Variants in RSAD2 observed in about 807,000 individuals in gnomAD.
The protein encoded by RSAD2 is S-adenosylmethionine-dependent nucleotide dehydratase RSAD2.
Under a neutral mutation model 37.7 loss-of-function variants are expected in RSAD2, and 38 were observed. That is an observed-to-expected ratio of 1.01 (90% confidence interval 0.78 to 1.32). The LOEUF is 1.32. Among genes scored for constraint, RSAD2 ranks in the 40% most tolerant of loss-of-function variants. The pLI is 0.00. For synonymous variants in RSAD2, 163 were observed against 157.4 expected (o/e 1.04, Z -0.27); for missense variants, 428 against 437.5 (o/e 0.98, Z 0.19).
At chr2:6,879,114 A>G in intron 1 of RSAD2, 1 of 455,782 alleles carries the variant, frequency 2.2e-6, no homozygotes, top group South Asian at 1.5e-5. Flanking sequence ...ATGAAATCAT[A>G]CAGTGGGTCC....
In RSAD2 at chr2:6,887,014, AAAG is replaced by A. The variant is rs1465993747; in HGVS notation, c.594_596del (p.Lys198del). 6.2e-7 allele frequency: 1 copy of A among 1,614,220 alleles called. No individual in the cohort carries two copies. Among genetic ancestry groups the A allele is most frequent in the Admixed American group, 1.7e-5 (1 of 60,032 alleles). The stretch of plus-strand genomic sequence containing the variant: ...ATGTCCTTATTGGCCGTGGCCAAGG[AAAG>A]AAGAACCATGTGGAAAACCTTCAAA... On this transcript the variant is annotated inframe_deletion, in exon 3 of 6. Coordinates refer to ENST00000382040, the MANE Select transcript of RSAD2 (RefSeq NM_080657.5).
Position 6,890,181 on chromosome 2 carries a change from C to T in RSAD2, c.744C>T (p.Phe248=). 1 of 1,613,970 alleles carries T rather than the reference C, an allele frequency of 6.2e-7. No individual in the cohort carries two copies. The highest frequency in any genetic ancestry group is 8.5e-7 in the Non-Finnish European group (1 of 1,179,926). ...KALNPVRWKV[F]QCLLIEGENC... ...ACACTACCATTGCCTTTCAGGTGTT[C>T]CAGTGCCTCTTAATTGAGGGTGAGA... is the stretch of plus-strand genomic sequence containing the variant. Residue 248 remains phenylalanine (F), a synonymous_variant, in exon 4 of 6, where the codon TTC becomes TTT. Transcript: ENST00000382040.
chr2:6,893,642 C>A, intron 4 of RSAD2, 29 bp from the exon 5 acceptor site: 1 of 1,591,586 alleles, frequency 6.3e-7, no homozygotes. Context: ...GCACCTGAAA[C>A]TAAATTTGTA....
At chr2:6,879,436 G>A (rs769401639) in intron 1 of RSAD2, among the ~76,000 whole-genome samples, 2 of 152,094 alleles carry the variant, frequency 1.3e-5, no homozygotes, top group Non-Finnish European at 2.9e-5. Context: ...CCCCTCTGCT[G>A]TAGACACAGC....
chr2:6,886,726 T>A, intron 2 of RSAD2, among the ~76,000 whole-genome samples: 1 of 152,248 alleles, frequency 6.6e-6, no homozygotes, highest in East Asian at 1.9e-4. Context: ...ATCAACTAAG[T>A]ATTTGCATCA....
intron 1 of RSAD2, among the ~76,000 whole-genome samples, chr2:6,880,234 A>G (rs1663371551): frequency 6.6e-6 from 1 of 152,210 alleles, no homozygotes; most frequent in Admixed American, 6.5e-5. Context: ...AGAGGAAAGA[A>G]ACACAAAAGG....
At chr2:6,891,635 C>T (rs1663632928) in intron 4 of RSAD2, among the ~76,000 whole-genome samples, 1 of 152,018 alleles carries the variant, frequency 6.6e-6, no homozygotes, top group East Asian at 1.9e-4. Flanking sequence ...GGCGTGGTTG[C>T]GGGCGCCTGT....
intron 2 of RSAD2, among the ~76,000 whole-genome samples, chr2:6,884,523 C>T (rs183638657): frequency 1.1e-4 from 16 of 152,252 alleles, no homozygotes; most frequent in African/African-American, 3.1e-4. Context: ...GACCAACTGG[C>T]GGGGTTTTCT....
chr2:6,892,723 A>C (rs373355821), intron 4 of RSAD2, among the ~76,000 whole-genome samples: 183 of 152,120 alleles, frequency 1.2e-3, no homozygotes, highest in African/African-American at 4.2e-3. Flanking sequence ...CTGCACCTTG[A>C]ACTAGTTCCC....
intron 3 of RSAD2, among the ~76,000 whole-genome samples, chr2:6,888,742 T>C (rs1338250366): frequency 6.6e-6 from 1 of 152,228 alleles, no homozygotes; most frequent in Non-Finnish European, 1.5e-5. Flanking sequence ...TCTGCCTGTT[T>C]GGAAAACCAG....
In RSAD2 at chr2:6,878,743, C is replaced by A. The variant is rs1307785526; in HGVS notation, c.346+597C>A. ...TGGCAGCGTCTTGGAGAGAACTCAG[C>A]ACGTGACCTTCGAATGCAATATCTT... On this transcript the variant is annotated intron_variant, in intron 1 of 5. Transcript: ENST00000382040. 3 of 859,156 alleles carry A rather than the reference C, an allele frequency of 3.5e-6. No homozygotes were observed. The East Asian group carries it at 2.0e-4, about 57-fold the overall frequency. The allele number at this position is 859,156 out of a possible 1,614,324, so 53.2% of individuals were successfully genotyped here.
rs538123553 is a variant in RSAD2 at position 6,879,699 on chromosome 2, T to C, written c.346+1553T>C. On this transcript the variant is annotated intron_variant, in intron 1 of 5. Transcript: ENST00000382040. ...GTTTTTTTTTTTAATGTCTGGTTCC[T>C]CAAAGAAATTGCATTCCAAGGTTGA... Among the ~76,000 whole-genome samples, 6 of 152,230 alleles carry C rather than the reference T, an allele frequency of 3.9e-5. No homozygotes were observed. In the East Asian group the frequency reaches 1.2e-3, roughly 29 times the overall value.
chr2:6,885,509 A>G (rs961301523), intron 2 of RSAD2, among the ~76,000 whole-genome samples: 4 of 152,160 alleles, frequency 2.6e-5, no homozygotes, highest in African/African-American at 7.2e-5. Flanking sequence ...TGTAGCTACC[A>G]TATGTGCAGG....
At chr2:6,878,334 G>A (rs1204346070) in intron 1 of RSAD2, among the ~76,000 whole-genome samples, 188 bp downstream of exon 1, 2 of 152,166 alleles carry the variant, frequency 1.3e-5, no homozygotes, top group Non-Finnish European at 1.5e-5. Flanking sequence ...TGGGCACCTA[G>A]TCCTTCCTAA....
intron 3 of RSAD2, among the ~76,000 whole-genome samples, chr2:6,888,951 AG>A (rs1572159339): frequency 6.6e-6 from 1 of 152,188 alleles, no homozygotes; most frequent in East Asian, 1.9e-4. Flanking sequence ...ACTCACTGGG[AG>A]GCTTTGTTGT....
chr2:6,890,691 G>A (rs1413858197), intron 4 of RSAD2, among the ~76,000 whole-genome samples: 2 of 152,084 alleles, frequency 1.3e-5, no homozygotes, highest in African/African-American at 4.8e-5. Context: ...ACTAACGAAC[G>A]CCACTCTGTT....
At chr2:6,866,851 C>A (rs1663103555) in intron 1 of RSAD2, among the ~76,000 whole-genome samples, 1 of 150,062 alleles carries the variant, frequency 6.7e-6, no homozygotes, top group African/African-American at 2.4e-5. Context: ...TAGTATTGGA[C>A]TTAAACTTGG....
At chr2:6,886,600 C>A (rs1437369873) in intron 2 of RSAD2, among the ~76,000 whole-genome samples, 1 of 152,118 alleles carries the variant, frequency 6.6e-6, no homozygotes, top group African/African-American at 2.4e-5. Context: ...TAGAGGCATC[C>A]AAATATATCT....
chr2:6,892,577 A>C (rs570304493), intron 4 of RSAD2, among the ~76,000 whole-genome samples: 2 of 152,286 alleles, frequency 1.3e-5, no homozygotes, highest in East Asian at 3.9e-4. Flanking sequence ...GACTTGTATC[A>C]GGGGCAAAAT....
Sources: gnomAD v4.1 joint callset for allele counts (sites outside exome capture counted in the v4.1 genomes callset) on GRCh38, gnomAD v4.1.1 for gene constraint, MANE v1.5 for transcripts, NCBI Gene and HGNC (gene_info 2026-07-23, HGNC 2026-07-21) for gene names.